Variants in GNA14 observed in about 807,000 individuals in gnomAD.
GNA14 encodes guanine nucleotide-binding protein subunit alpha-14.
A neutral mutation model predicts 42.0 loss-of-function variants in GNA14; 50 were observed. The ratio of observed to expected loss-of-function variants is 1.19; its 90% confidence interval spans 0.95 to 1.51. The LOEUF is 1.51. Ranked by LOEUF, GNA14 falls within the 40% of genes most tolerant of loss-of-function variation. The pLI is 0.00. For synonymous variants in GNA14, 173 were observed against 163.1 expected (o/e 1.06, Z -0.46); for missense variants, 473 against 446.2 (o/e 1.06, Z -0.54).
At chr9:77,568,884 C>T (rs62573423) in intron 1 of GNA14, among the ~76,000 whole-genome samples, 29,417 of 152,120 alleles carry the variant, frequency 0.19, 3,969 homozygotes, top group African/African-American at 0.38. Context: ...ACAGTAAAGT[C>T]GCACTTCAGA....
At chr9:77,427,770 T>C (rs1233592642) in intron 5 of GNA14, among the ~76,000 whole-genome samples, 1 of 145,080 alleles carries the variant, frequency 6.9e-6, no homozygotes, top group Non-Finnish European at 1.5e-5. Context: ...GCTGGATCCA[T>C]CCCAGCTGCC....
intron 1 of GNA14, among the ~76,000 whole-genome samples, chr9:77,633,881 A>G (rs7851160): frequency 0.36 from 54,545 of 151,762 alleles, 14,379 homozygotes; most frequent in African/African-American, 0.71. Flanking sequence ...ACATGGTGAG[A>G]AATAAATGAA....
chr9:77,642,336 T>C (rs1400109231), intron 1 of GNA14, among the ~76,000 whole-genome samples: 1 of 152,230 alleles, frequency 6.6e-6, no homozygotes, highest in Non-Finnish European at 1.5e-5. Flanking sequence ...GAGATTGGTT[T>C]GCTCCAGCCA....
At chr9:77,577,208 T>C (rs1823142351) in intron 1 of GNA14, among the ~76,000 whole-genome samples, 4 of 152,362 alleles carry the variant, frequency 2.6e-5, no homozygotes, top group Middle Eastern at 3.4e-3. Context: ...TCATTTTACT[T>C]ACAACCAAGC....
intron 6 of GNA14, among the ~76,000 whole-genome samples, chr9:77,424,868 C>CA (rs1316369164): frequency 6.6e-6 from 1 of 152,068 alleles, no homozygotes; most frequent in Non-Finnish European, 1.5e-5. Flanking sequence ...ACTACACAGC[C>CA]AGTATGGTTA....
rs567571019 is a variant in GNA14 at position 77,451,814 on chromosome 9, G to A, written c.310-17292C>T. Among the ~76,000 whole-genome samples, 6 of 152,330 alleles carry A rather than the reference G, an allele frequency of 3.9e-5. No individual in the cohort carries two copies. The East Asian group carries it at 5.8e-4, about 15-fold the overall frequency. On this transcript the variant is annotated intron_variant, in intron 2 of 6. Transcript: ENST00000341700. Reference sequence around the variant, plus strand: ...CATAAGGAAACCTGTTGGGGTCAGTGCAAAGTGTCTCTCTCCTCAAGCATC... The same window carrying A: ...CATAAGGAAACCTGTTGGGGTCAGTACAAAGTGTCTCTCTCCTCAAGCATC...
chr9:77,563,690 C>T (rs573882815), intron 1 of GNA14, among the ~76,000 whole-genome samples: 10 of 151,744 alleles, frequency 6.6e-5, no homozygotes, highest in Admixed American at 1.3e-4. Context: ...TTTTTTTTTC[C>T]TTTCAGTTCA....
At chr9:77,523,567 G>A (rs555826344) in intron 2 of GNA14, among the ~76,000 whole-genome samples, 5 of 152,264 alleles carry the variant, frequency 3.3e-5, no homozygotes, top group African/African-American at 1.2e-4. Flanking sequence ...TTTGGGCACA[G>A]GCACACATCC....
At chr9:77,560,338 G>C (rs965548185) in intron 1 of GNA14, among the ~76,000 whole-genome samples, 1 of 144,826 alleles carries the variant, frequency 6.9e-6, no homozygotes, top group Non-Finnish European at 1.5e-5. Flanking sequence ...ACCAAGGCTG[G>C]AGTGCAGTGG....
At chr9:77,459,639 G>A (rs940863849) in intron 2 of GNA14, among the ~76,000 whole-genome samples, 6 of 152,166 alleles carry the variant, frequency 3.9e-5, no homozygotes, top group African/African-American at 1.4e-4. Flanking sequence ...ACTTGCAGGG[G>A]AGGCTGGGCC....
chr9:77,632,177 A>T (rs1326058979), intron 1 of GNA14, among the ~76,000 whole-genome samples: 2 of 152,294 alleles, frequency 1.3e-5, no homozygotes. Flanking sequence ...CACCCACTCC[A>T]ATCTCAGAGC....
chr9:77,553,304 G>A (rs981849792), intron 1 of GNA14, among the ~76,000 whole-genome samples: 5 of 152,220 alleles, frequency 3.3e-5, no homozygotes, highest in African/African-American at 1.2e-4. Flanking sequence ...AACCATGTGT[G>A]GCAGGCACTA....
chr9:77,496,404 T>C (rs1836869412), intron 2 of GNA14, among the ~76,000 whole-genome samples: 1 of 152,192 alleles, frequency 6.6e-6, no homozygotes, highest in African/African-American at 2.4e-5. Context: ...TGCCCTACAA[T>C]GCCCTGTTTA....
At chr9:77,495,013 T>G (rs1233150109) in intron 2 of GNA14, among the ~76,000 whole-genome samples, 2 of 152,190 alleles carry the variant, frequency 1.3e-5, no homozygotes, top group Non-Finnish European at 2.9e-5. Flanking sequence ...TTGGCCAGAC[T>G]GGTCTTGAAC....
chr9:77,586,829 G>A (rs1325168794), intron 1 of GNA14, among the ~76,000 whole-genome samples: 1 of 152,162 alleles, frequency 6.6e-6, no homozygotes, highest in East Asian at 1.9e-4. Context: ...GGTACCCGTA[G>A]TTGACCGAAA....
chr9:77,623,477 T>C (rs1038080365), intron 1 of GNA14, among the ~76,000 whole-genome samples: 3 of 152,124 alleles, frequency 2.0e-5, no homozygotes, highest in Admixed American at 6.5e-5. Context: ...TCACAGTGGC[T>C]GGCAAGATGG....
chr9:77,535,549 G>A (rs1208992633), intron 1 of GNA14, among the ~76,000 whole-genome samples: 1 of 151,932 alleles, frequency 6.6e-6, no homozygotes, highest in African/African-American at 2.4e-5. Flanking sequence ...CTCTGTCTAG[G>A]AAAACAAAAA....
intron 1 of GNA14, among the ~76,000 whole-genome samples, chr9:77,530,263 C>T (rs1837508138): frequency 6.6e-6 from 1 of 152,150 alleles, no homozygotes; most frequent in African/African-American, 2.4e-5. Context: ...CATGAGAGTT[C>T]TTGCAAGATC....
At chr9:77,637,746 C>T (rs1361041151) in intron 1 of GNA14, among the ~76,000 whole-genome samples, 3 of 152,030 alleles carry the variant, frequency 2.0e-5, no homozygotes, top group Non-Finnish European at 4.4e-5. Flanking sequence ...CCCAGCTACT[C>T]GGCAGGCTGA....
Sources: allele counts gnomAD v4.1 joint callset (sites outside exome capture counted in the v4.1 genomes callset), GRCh38; gene constraint gnomAD v4.1.1; transcripts MANE v1.5; gene names NCBI Gene and HGNC (gene_info 2026-07-23, HGNC 2026-07-21).